Variants in SYT16 observed in about 807,000 individuals in gnomAD.
The protein encoded by SYT16 is synaptotagmin 16, also known as synaptotagmin-16.
Under a neutral mutation model 61.4 loss-of-function variants are expected in SYT16, and 42 were observed. That is an observed-to-expected ratio of 0.68 (90% CI 0.53 to 0.89). The LOEUF is 0.89. Among genes scored for constraint, SYT16 ranks in the 40% least tolerant of loss-of-function variants. SYT16 has a pLI of 0.00. For missense variants in SYT16, 804 were observed against 807.3 expected (o/e 1.00, Z 0.05); for synonymous variants, 314 against 302.3 (o/e 1.04, Z -0.40).
chr14:62,071,210 G>A (rs1163652137), intron 4 of SYT16, among the ~76,000 whole-genome samples: 1 of 152,160 alleles, frequency 6.6e-6, no homozygotes. Context: ...TTACATCACA[G>A]CATTCCTTTC....
chr14:62,079,373 T>G (rs1386823298), intron 5 of SYT16: 1 of 1,225,686 alleles, frequency 8.2e-7, no homozygotes, highest in Admixed American at 2.8e-5. Context: ...AGGATATTTA[T>G]TAGATGTCTA....
At chr14:61,955,360 C>T (rs1030779325) in intron 1 of SYT16, among the ~76,000 whole-genome samples, 2 of 152,016 alleles carry the variant, frequency 1.3e-5, no homozygotes, top group Non-Finnish European at 2.9e-5. Flanking sequence ...TATTGTCGAT[C>T]ATAGGCCCTA....
chr14:61,883,165 C>G (rs975535649), intron 1 of SYT16, among the ~76,000 whole-genome samples: 1 of 152,198 alleles, frequency 6.6e-6, no homozygotes, highest in Non-Finnish European at 1.5e-5. Flanking sequence ...CTCTGACATG[C>G]CCTGGAGACA....
intron 7 of SYT16, among the ~76,000 whole-genome samples, chr14:62,085,126 CT>C (rs1301119083): frequency 6.6e-6 from 1 of 152,198 alleles, no homozygotes; most frequent in African/African-American, 2.4e-5. Flanking sequence ...CAAAAAGCTG[CT>C]GTTTTCAGTT....
intron 1 of SYT16, among the ~76,000 whole-genome samples, chr14:61,935,179 C>T (rs138068194): frequency 2.8e-4 from 42 of 152,236 alleles, no homozygotes; most frequent in African/African-American, 9.6e-4. Flanking sequence ...GTGGGGCTGT[C>T]AATCAGATGG....
At chr14:61,867,902 C>A (rs1275949999) in intron 1 of SYT16, among the ~76,000 whole-genome samples, 2 of 152,154 alleles carry the variant, frequency 1.3e-5, no homozygotes, top group South Asian at 2.1e-4. Context: ...AGTGCTTTTT[C>A]TGCATCTGTA....
At chr14:62,006,034 G>A (rs1566757514) in intron 3 of SYT16, among the ~76,000 whole-genome samples, 1 of 152,074 alleles carries the variant, frequency 6.6e-6, no homozygotes, top group Non-Finnish European at 1.5e-5. Flanking sequence ...TGATGTGATA[G>A]AGCCCACTAA....
intron 1 of SYT16, among the ~76,000 whole-genome samples, chr14:61,938,996 A>G (rs950159027): frequency 2.0e-5 from 3 of 152,282 alleles, no homozygotes; most frequent in South Asian, 4.1e-4. Context: ...TTAGCTGGGC[A>G]TGGTGGCGGG....
At chr14:62,020,784 G>A (rs1360587839) in intron 3 of SYT16, among the ~76,000 whole-genome samples, 2 of 152,174 alleles carry the variant, frequency 1.3e-5, no homozygotes, top group African/African-American at 2.4e-5. Flanking sequence ...GATGGTTGGG[G>A]CACCGCATGT....
intron 1 of SYT16, among the ~76,000 whole-genome samples, chr14:61,851,341 T>C (rs1399708226): frequency 6.6e-6 from 1 of 152,226 alleles, no homozygotes; most frequent in African/African-American, 2.4e-5. Flanking sequence ...TCCATGTCTT[T>C]GCTATTGTGA....
At chr14:61,923,207 A>G (rs796570346) in intron 1 of SYT16, among the ~76,000 whole-genome samples, 10 of 152,336 alleles carry the variant, frequency 6.6e-5, no homozygotes, top group African/African-American at 2.4e-4. Flanking sequence ...TTATGGAACT[A>G]TGGCACCAAA....
chr14:61,968,139 A>G (rs1214200476), intron 1 of SYT16, among the ~76,000 whole-genome samples: 1 of 152,002 alleles, frequency 6.6e-6, no homozygotes, highest in Non-Finnish European at 1.5e-5. Flanking sequence ...CGCATGCCTG[A>G]AATCCCAGCT....
At chr14:61,938,802 C>T (rs2050092007) in intron 1 of SYT16, among the ~76,000 whole-genome samples, 1 of 152,134 alleles carries the variant, frequency 6.6e-6, no homozygotes, top group Admixed American at 6.5e-5. Flanking sequence ...GAAACAGACT[C>T]TAAAGGGATT....
rs781162898 is a variant in SYT16 at position 62,080,910 on chromosome 14, T to C, written c.1070T>C (p.Ile357Thr). ...TCAAAGTGTGGTGACCTAGATGTCA[T>C]CTTTGAATATAGAGCCGCCAGCCAG... ...PISKCGDLDV[I>T]FEYRAASQKL... Residue 357 changes from isoleucine (I) to threonine (T), a missense_variant, in exon 6 of 8, where the codon ATC becomes ACC. Physicochemically the swap from Ile to Thr is moderately conservative, Grantham distance 89. Transcript: ENST00000683842. 1.2e-6 allele frequency: 2 copies of C among 1,606,168 alleles called. No homozygotes were observed. The highest frequency in any genetic ancestry group is 3.4e-5 in the Admixed American group (2 of 58,920).
intron 1 of SYT16, among the ~76,000 whole-genome samples, chr14:61,829,737 C>T (rs2045880320): frequency 1.3e-5 from 2 of 151,972 alleles, no homozygotes; most frequent in African/African-American, 2.4e-5. Flanking sequence ...TCATTGCAAG[C>T]TCCGCCTCCC....
At chr14:62,059,606 G>A (rs2055724567) in intron 3 of SYT16, among the ~76,000 whole-genome samples, 1 of 148,962 alleles carries the variant, frequency 6.7e-6, no homozygotes, top group Non-Finnish European at 1.5e-5. Flanking sequence ...TTTTTCCTTG[G>A]GTATTCTATA....
At chr14:61,960,931 TG>T (rs1362703544) in intron 1 of SYT16, among the ~76,000 whole-genome samples, 1 of 152,142 alleles carries the variant, frequency 6.6e-6, no homozygotes, top group Non-Finnish European at 1.5e-5. Flanking sequence ...CTTGTGTCAA[TG>T]GAACAGAATA....
At chr14:61,968,798 C>T (rs2051422931) in intron 1 of SYT16, among the ~76,000 whole-genome samples, 1 of 152,196 alleles carries the variant, frequency 6.6e-6, no homozygotes. Context: ...CTGCTGATCC[C>T]TTGCCTATAA....
At chr14:62,042,967 T>C (rs963758419) in intron 3 of SYT16, among the ~76,000 whole-genome samples, 2 of 152,198 alleles carry the variant, frequency 1.3e-5, no homozygotes, top group African/African-American at 4.8e-5. Flanking sequence ...TGAGAACCAT[T>C]GTTTATGCCC....
Sources: gnomAD v4.1 joint callset for allele counts (sites outside exome capture counted in the v4.1 genomes callset) on GRCh38, gnomAD v4.1.1 for gene constraint, MANE v1.5 for transcripts, NCBI Gene and HGNC (gene_info 2026-07-23, HGNC 2026-07-21) for gene names.